Variants in PTPRQ observed in about 807,000 individuals in gnomAD.
PTPRQ encodes protein tyrosine phosphatase receptor type Q.
Under a neutral mutation model 246.0 loss-of-function variants are expected in PTPRQ, and 199 were observed. The observed-to-expected ratio is 0.81, with a 90% CI of 0.72 to 0.91. The LOEUF (loss-of-function observed/expected upper bound fraction) is 0.91, where lower values mean the gene tolerates loss of function less well. Ranked by LOEUF, PTPRQ falls within the 40% of genes least tolerant of loss-of-function variation. The pLI, the probability that PTPRQ is intolerant of heterozygous loss-of-function variation, is 0.00. For synonymous variants in PTPRQ, 869 were observed against 853.2 expected (o/e 1.02, Z -0.32); for missense variants, 2,624 against 2,528.4 (o/e 1.04, Z -0.81).
At position 80,635,011 on chromosome 12, in the gene PTPRQ, A is replaced by C. The variant is rs1236521117; in HGVS notation, c.5853A>C (p.Lys1951Asn). The stretch of plus-strand genomic sequence containing the variant: ...AGGATGCAGAAATTATTGACACTAA[A>C]TTGAAGCTGGATCAGCTCATCACAG... ...SPQDAEIIDTKLKLDQLITVA... is the reference protein window; with the variant it reads ...SPQDAEIIDTNLKLDQLITVA... The change falls in exon 35 of 45, where the codon AAA (lysine) becomes AAC (asparagine). Residue 1951 changes from lysine (K) to asparagine (N), a missense_variant. Coordinates refer to ENST00000644991, the MANE Select transcript of PTPRQ (RefSeq NM_001145026.2). 1.3e-6 allele frequency: 2 copies of C among 1,551,354 alleles called. No homozygotes were observed.
chr12:80,659,242 A>G (rs1592768321), intron 39 of PTPRQ, among the ~76,000 whole-genome samples: 2 of 152,162 alleles, frequency 1.3e-5, no homozygotes, highest in Admixed American at 1.3e-4. Context: ...TCATTTATCA[A>G]ATGATTGATT....
At chr12:80,531,477 C>T (rs1895841614) in intron 17 of PTPRQ, among the ~76,000 whole-genome samples, 1 of 152,114 alleles carries the variant, frequency 6.6e-6, no homozygotes, top group South Asian at 2.1e-4. Context: ...ACAGGGTTTG[C>T]TCAAAGGGAG....
At chr12:80,600,227 T>A (rs1190712011) in intron 26 of PTPRQ, among the ~76,000 whole-genome samples, 2 of 151,826 alleles carry the variant, frequency 1.3e-5, no homozygotes, top group Non-Finnish European at 2.9e-5. Flanking sequence ...TTATATGTGT[T>A]GTCATGAATG....
At chr12:80,525,916 T>A (rs901480714) in intron 17 of PTPRQ, 6 of 152,184 alleles carry the variant, frequency 3.9e-5, no homozygotes, top group African/African-American at 1.4e-4. Context: ...AATAAGGATC[T>A]TCCTGCGAGT....
chr12:80,540,916 A>T (rs564971145), intron 20 of PTPRQ, among the ~76,000 whole-genome samples: 2 of 152,120 alleles, frequency 1.3e-5, no homozygotes, highest in East Asian at 1.9e-4. Context: ...CTTACTATGC[A>T]CTACTCCAGG....
intron 9 of PTPRQ, among the ~76,000 whole-genome samples, chr12:80,488,468 T>A (rs1296048667): frequency 3.9e-5 from 6 of 152,068 alleles, no homozygotes; most frequent in African/African-American, 1.4e-4. Context: ...TTAAGTAACC[T>A]AACTCTTCAC....
At chr12:80,661,990 A>T (rs1900648466) in intron 39 of PTPRQ, among the ~76,000 whole-genome samples, 1 of 151,916 alleles carries the variant, frequency 6.6e-6, no homozygotes, top group South Asian at 2.1e-4. Context: ...AGAAAGGACT[A>T]AAGTCAAAAC....
At chr12:80,670,886 GT>G (rs1365817310) in intron 42 of PTPRQ, among the ~76,000 whole-genome samples, 1 of 152,044 alleles carries the variant, frequency 6.6e-6, no homozygotes, top group Non-Finnish European at 1.5e-5. Context: ...GAAATATACT[GT>G]GTTGATATTT....
At chr12:80,616,975 TA>T (rs2121120775) in intron 30 of PTPRQ, among the ~76,000 whole-genome samples, 1 of 151,280 alleles carries the variant, frequency 6.6e-6, no homozygotes, top group East Asian at 2.0e-4. Flanking sequence ...AGAGAGGTTT[TA>T]AAAACAGAAG....
rs2120842706 is a variant in PTPRQ at position 80,542,723 on chromosome 12, C to T, written c.3722-7C>T. 1 of 1,529,940 alleles carries T rather than the reference C, an allele frequency of 6.5e-7. No homozygotes were observed. The highest frequency in any genetic ancestry group is 8.8e-7 in the Non-Finnish European group (1 of 1,140,080). The allele number at this position is 1,529,940 out of a possible 1,614,324, so 94.8% of individuals were successfully genotyped here. ...GAATGTAAGTTTCTTCATGTGTTTTCCTACAGTGCCGTTAGCACCTCCACA... is the reference window on the plus strand; with the variant it reads ...GAATGTAAGTTTCTTCATGTGTTTTTCTACAGTGCCGTTAGCACCTCCACA... On this transcript the variant is annotated splice_polypyrimidine_tract_variant and splice_region_variant and intron_variant, in intron 22 of 44. Coordinates refer to ENST00000644991, the MANE Select transcript of PTPRQ (RefSeq NM_001145026.2).
intron 33 of PTPRQ, among the ~76,000 whole-genome samples, chr12:80,629,261 C>T (rs974268800): frequency 5.9e-5 from 9 of 152,106 alleles, no homozygotes. Flanking sequence ...ATCGGGGCCT[C>T]ACCCTATGGC....
intron 8 of PTPRQ, among the ~76,000 whole-genome samples, chr12:80,481,662 GCA>G (rs1234211006): frequency 1.3e-5 from 2 of 152,032 alleles, no homozygotes; most frequent in Non-Finnish European, 2.9e-5. Context: ...AATCTGATAA[GCA>G]ACTTCAGCAA....
chr12:80,620,703 A>T (rs1030816340), intron 32 of PTPRQ, among the ~76,000 whole-genome samples: 1 of 151,822 alleles, frequency 6.6e-6, no homozygotes, highest in Non-Finnish European at 1.5e-5. Flanking sequence ...CAATGTGACT[A>T]ATGTGTTTTT....
At chr12:80,614,328 A>C (rs780832587) in intron 29 of PTPRQ, among the ~76,000 whole-genome samples, 4 of 150,812 alleles carry the variant, frequency 2.7e-5, no homozygotes, top group Non-Finnish European at 6.0e-5. Flanking sequence ...TGTATGCATG[A>C]GTTCATATAC....
At chr12:80,512,472 C>A (rs1392804186) in intron 17 of PTPRQ, among the ~76,000 whole-genome samples, 1 of 152,082 alleles carries the variant, frequency 6.6e-6, no homozygotes, top group Admixed American at 6.5e-5. Flanking sequence ...CTTTAGTTGT[C>A]TATTTATAGT....
intron 20 of PTPRQ, among the ~76,000 whole-genome samples, chr12:80,541,260 TGCACACACAC>T (rs1896142646): frequency 6.6e-6 from 1 of 151,852 alleles, no homozygotes; most frequent in South Asian, 2.1e-4. Flanking sequence ...ACACATATTA[TGCACACACAC>T]GCACACACAC....
chr12:80,511,635 TGAA>T (rs1416501564), intron 17 of PTPRQ, among the ~76,000 whole-genome samples: 1 of 152,142 alleles, frequency 6.6e-6, no homozygotes, highest in Non-Finnish European at 1.5e-5. Context: ...AAGTTCTCTT[TGAA>T]GAAGTGTCAT....
chr12:80,471,843 G>A (rs571833540), intron 7 of PTPRQ, among the ~76,000 whole-genome samples: 102 of 152,046 alleles, frequency 6.7e-4, no homozygotes, highest in African/African-American at 2.4e-3. Context: ...AAATAACCTG[G>A]TAATTCAAAA....
intron 17 of PTPRQ, 73 bp downstream of exon 17, chr12:80,510,516 A>G (rs183377202): frequency 1.5e-6 from 2 of 1,330,408 alleles, no homozygotes; most frequent in Non-Finnish European, 2.0e-6. Context: ...TGTAGCTTTT[A>G]GATTTCAGAA....
Sources: allele counts gnomAD v4.1 joint callset (sites outside exome capture counted in the v4.1 genomes callset), GRCh38; gene constraint gnomAD v4.1.1; transcripts MANE v1.5; gene names NCBI Gene and HGNC (gene_info 2026-07-23, HGNC 2026-07-21).